Variants in SUPT16H observed in about 807,000 individuals in gnomAD.
The protein encoded by SUPT16H is FACT complex subunit SPT16.
In SUPT16H, 24 loss-of-function variants were observed where a neutral mutation model predicts 136.2. That is an observed-to-expected ratio of 0.18 (90% confidence interval 0.13 to 0.25). The LOEUF (loss-of-function observed/expected upper bound fraction) is 0.25, where lower values mean the gene tolerates loss of function less well. SUPT16H is among the 10% of genes least tolerant of loss of function. The pLI is 1.00. For synonymous variants in SUPT16H, 415 were observed against 428.2 expected, an observed-to-expected ratio of 0.97 and a Z score of 0.38; for missense variants, 623 against 1,270.2, an observed-to-expected ratio of 0.49 and a Z score of 7.74.
At position 21,384,002 on chromosome 14, in the gene SUPT16H, G is replaced by A; in HGVS notation, c.-75C>T. On this transcript the variant is annotated 5_prime_UTR_variant, in exon 1 of 26. Transcript: ENST00000216297. The stretch of plus-strand genomic sequence containing the variant: ...GGCTCAGCCACCCGCTCTCGGCCCA[G>A]GAATCCCGCACTCTCCCAATGACCC... 2 of 1,563,542 alleles carry A rather than the reference G, an allele frequency of 1.3e-6. No homozygotes were observed. Among genetic ancestry groups the A allele is most frequent in the South Asian group, 1.1e-5 (1 of 89,880 alleles).
intron 7 of SUPT16H, among the ~76,000 whole-genome samples, chr14:21,367,454 T>C (rs1203445082): frequency 6.6e-6 from 1 of 152,328 alleles, no homozygotes; most frequent in South Asian, 2.1e-4. Flanking sequence ...TGAATGGGTA[T>C]GTCAAGCTAA....
chr14:21,363,865 G>A (rs968800897), intron 10 of SUPT16H, among the ~76,000 whole-genome samples: 22 of 152,042 alleles, frequency 1.4e-4, no homozygotes, highest in African/African-American at 5.3e-4. Flanking sequence ...TTTTAGTAGG[G>A]CCGGGGATTC....
chr14:21,363,531 A>G (rs753815661), intron 10 of SUPT16H, 28 bp from the exon 11 acceptor site: 8 of 1,601,194 alleles, frequency 5.0e-6, no homozygotes, highest in South Asian at 2.2e-5. Context: ...ATGAAGACAC[A>G]TTATTTAAAA....
intron 3 of SUPT16H, among the ~76,000 whole-genome samples, 157 bp downstream of exon 3, chr14:21,371,717 T>C (rs1886788963): frequency 1.3e-5 from 2 of 152,218 alleles, no homozygotes; most frequent in South Asian, 4.1e-4. Flanking sequence ...TTGAATTCTT[T>C]TCCTCCTAAC....
intron 3 of SUPT16H, among the ~76,000 whole-genome samples, chr14:21,371,205 A>G (rs768015354): frequency 5.3e-5 from 8 of 152,150 alleles, no homozygotes; most frequent in Non-Finnish European, 8.8e-5. Context: ...TTTAAGGAAG[A>G]TTGTAATATA....
chr14:21,369,613 G>A, intron 5 of SUPT16H, 137 bp downstream of exon 5: 1 of 1,174,304 alleles, frequency 8.5e-7, no homozygotes, highest in Non-Finnish European at 1.2e-6. Flanking sequence ...ATTTTGAAAG[G>A]GAGATGATGT....
chr14:21,365,469 G>A (rs567526430), intron 8 of SUPT16H, among the ~76,000 whole-genome samples: 3 of 151,986 alleles, frequency 2.0e-5, no homozygotes, highest in African/African-American at 7.2e-5. Context: ...ATTATTAAGG[G>A]GTACATTACT....
At chr14:21,369,709 C>T in intron 5 of SUPT16H, 41 bp downstream of exon 5, 5 of 1,608,050 alleles carry the variant, frequency 3.1e-6, no homozygotes, top group African/African-American at 1.3e-5. Context: ...CTTATTACTG[C>T]TTCATTAAAA....
At chr14:21,383,593 G>C in intron 1 of SUPT16H, 1 of 700,768 alleles carries the variant, frequency 1.4e-6, no homozygotes, top group Non-Finnish European at 2.6e-6. Context: ...TCTAGGGCGG[G>C]AAGAGACTGC....
At chr14:21,372,179 T>C in intron 2 of SUPT16H, 135 bp from the exon 3 acceptor site, 7 of 984,002 alleles carry the variant, frequency 7.1e-6, no homozygotes, top group Non-Finnish European at 1.0e-5. Flanking sequence ...CTGGGGAGTC[T>C]GGAGTGGATA....
chr14:21,383,953 G>A lies in SUPT16H; in HGVS notation c.-26C>T. ...AGCCCCGGACGCCGCTTCTCCTCGG[G>A]TTCCGAGAATCACGCGAGGTCCCGG... On this transcript the variant is annotated 5_prime_UTR_variant, in exon 1 of 26. Coordinates refer to ENST00000216297, the MANE Select transcript of SUPT16H (RefSeq NM_007192.4). The A allele has an allele frequency of 1.9e-6, 3 of 1,612,208 alleles. No homozygotes were observed. The South Asian group carries it at 3.3e-5, about 18-fold the overall frequency.
intron 1 of SUPT16H, among the ~76,000 whole-genome samples, chr14:21,380,296 A>ATTTTTTTTTTT (rs60588939): frequency 0.56 from 62,126 of 110,830 alleles, 19,091 homozygotes; most frequent in Middle Eastern, 0.64. Flanking sequence ...GGAAGACTGA[A>ATTTTTTTTTTT]TTTTTTTTTT....
intron 8 of SUPT16H, 100 bp from the exon 9 acceptor site, chr14:21,365,243 A>G: frequency 2.6e-6 from 3 of 1,143,774 alleles, no homozygotes; most frequent in Non-Finnish European, 3.8e-6. Context: ...ACAGGCAAAC[A>G]TGTTTGAAAT....
At chr14:21,378,377 T>G (rs1886950472) in intron 1 of SUPT16H, among the ~76,000 whole-genome samples, 1 of 152,180 alleles carries the variant, frequency 6.6e-6, no homozygotes, top group South Asian at 2.1e-4. Context: ...AAGTTAATCA[T>G]ACTTTATTAC....
At chr14:21,373,472 C>A (rs371302506) in intron 1 of SUPT16H, 42 bp from the exon 2 acceptor site, 3 of 1,390,304 alleles carry the variant, frequency 2.2e-6, no homozygotes, top group Non-Finnish European at 3.1e-6. Flanking sequence ...TTCACACTAG[C>A]AAAACAGGAA....
rs1276482358 is a variant in SUPT16H at position 21,366,519 on chromosome 14, T to C, written c.966A>G (p.Ile322Met). Residue 322 changes from isoleucine to methionine, a missense_variant, in exon 8 of 26, where the codon ATA (isoleucine) becomes ATG (methionine). Around this residue, in one of 7 missense-constraint regions of SUPT16H, gnomAD observed 343 missense variants for 525.7 expected, o/e 0.65. Transcript: ENST00000216297. ...LLKELRHGVK[I>M]CDVYNAVMDV... ...CCATGACAGCGTTATACACGTCACA[T>C]ATCTTCACACCTAATAACAAGACAC... The C allele has an allele frequency of 1.9e-6, 3 of 1,613,780 alleles. No individual in the cohort carries two copies. In the East Asian group the frequency reaches 6.7e-5, roughly 36 times the overall value.
At chr14:21,356,973 A>T (rs953953064) in intron 22 of SUPT16H, among the ~76,000 whole-genome samples, 1 of 152,128 alleles carries the variant, frequency 6.6e-6, no homozygotes, top group Non-Finnish European at 1.5e-5. Flanking sequence ...TTAGATTTTG[A>T]TTTTCTTTGT....
chr14:21,360,993 T>A (rs1381479335), intron 16 of SUPT16H, 21 bp from the exon 17 acceptor site: 1 of 1,611,954 alleles, frequency 6.2e-7, no homozygotes, highest in African/African-American at 1.3e-5. Flanking sequence ...AGAAAATTAA[T>A]GTGAATTGTC....
At chr14:21,359,022 G>A (rs1157677832) in intron 19 of SUPT16H, among the ~76,000 whole-genome samples, 2 of 152,066 alleles carry the variant, frequency 1.3e-5, no homozygotes, top group Non-Finnish European at 2.9e-5. Context: ...AGCCAGGATG[G>A]TCTTGATCTC....
Sources: allele counts gnomAD v4.1 joint callset (sites outside exome capture counted in the v4.1 genomes callset), GRCh38; gene constraint gnomAD v4.1.1; regional missense constraint gnomAD v4.1.1; transcripts MANE v1.5; gene names NCBI Gene and HGNC (gene_info 2026-07-23, HGNC 2026-07-21).